Variants in APBB2 observed in about 807,000 individuals in gnomAD.
APBB2 encodes Fe65-like 1.
APBB2 carries 38 observed loss-of-function variants against 82.5 expected under a neutral mutation model. The observed-to-expected ratio is 0.46, with a 90% CI of 0.36 to 0.60. The LOEUF (loss-of-function observed/expected upper bound fraction) is 0.60, where lower values mean the gene tolerates loss of function less well. APBB2 is among the 20% of genes least tolerant of loss of function. The probability of loss-of-function intolerance (pLI) is 0.00; values close to 1 mark genes in which losing one functional copy is unlikely to be tolerated. For synonymous variants in APBB2, 341 were observed against 368.2 expected (o/e 0.93, Z 0.85); for missense variants, 772 against 972.3 (o/e 0.79, Z 2.74).
chr4:40,932,573 A>T (rs1784458811), intron 10 of APBB2, among the ~76,000 whole-genome samples: 1 of 152,194 alleles, frequency 6.6e-6, no homozygotes, highest in Non-Finnish European at 1.5e-5. Flanking sequence ...TTGTAGACAC[A>T]GATCTGCTTT....
rs75463013 is a variant in APBB2, at chr4:41,011,902, A to T, written c.835+1681T>A. Among the ~76,000 whole-genome samples, 1,321 of 152,290 alleles carry T rather than the reference A, an allele frequency of 8.7e-3. 40 individuals are homozygous for T. Among genetic ancestry groups the T allele is most frequent in the East Asian group, 0.073 (380 of 5,184 alleles). Reference sequence around the variant, plus strand: ...TTTTGAAACAGAGTCTCGCTCGATCACCCAGGCTACAGGGCAATGGCATAA... The same window carrying T: ...TTTTGAAACAGAGTCTCGCTCGATCTCCCAGGCTACAGGGCAATGGCATAA... On this transcript the variant is annotated intron_variant, in intron 6 of 17. Transcript: ENST00000508593.
intron 1 of APBB2, among the ~76,000 whole-genome samples, chr4:41,175,599 A>G (rs1483312421): frequency 6.6e-6 from 1 of 152,166 alleles, no homozygotes; most frequent in Non-Finnish European, 1.5e-5. Flanking sequence ...TCCTATTTAC[A>G]CCAGTTGTTC....
rs986570793 is a variant in APBB2 at position 40,981,982 on chromosome 4, C to T, written c.835+31601G>A. Reference sequence around the variant, plus strand: ...GGGAGGATCATTTGAGTCAGGAGTTCGAGACCAGCCTGGCCAACATGGTGA... The same window carrying T: ...GGGAGGATCATTTGAGTCAGGAGTTTGAGACCAGCCTGGCCAACATGGTGA... On this transcript the variant is annotated intron_variant, in intron 6 of 17. Coordinates refer to ENST00000508593, the MANE Select transcript of APBB2 (RefSeq NM_004307.2). Among the ~76,000 whole-genome samples, 8 of 151,554 alleles carry T rather than the reference C, an allele frequency of 5.3e-5. No individual in the cohort carries two copies. The East Asian group carries it at 1.4e-3, about 26-fold the overall frequency.
intron 6 of APBB2, among the ~76,000 whole-genome samples, chr4:40,946,254 A>AAAAAAAAAAAAAAACAAAAAAC (rs1553875174): frequency 1.7e-5 from 2 of 114,560 alleles, no homozygotes; most frequent in African/African-American, 3.3e-5. Flanking sequence ...AAAAAAAAAA[A>AAAAAAAAAAAAAAACAAAAAAC]CATTCCCAAG....
chr4:40,912,097 A>G (rs1375730398), intron 10 of APBB2, among the ~76,000 whole-genome samples: 2 of 152,248 alleles, frequency 1.3e-5, no homozygotes, highest in East Asian at 1.9e-4. Flanking sequence ...CTTTTGCAAA[A>G]TACTCTTTTT....
At chr4:40,921,533 CCATT>C (rs1307875460) in intron 10 of APBB2, among the ~76,000 whole-genome samples, 1 of 152,124 alleles carries the variant, frequency 6.6e-6, no homozygotes, top group African/African-American at 2.4e-5. Context: ...CACTGGATGC[CCATT>C]CATTCCATTG....
intron 12 of APBB2, among the ~76,000 whole-genome samples, chr4:40,854,607 C>T (rs1760512083): frequency 6.6e-6 from 1 of 151,808 alleles, no homozygotes; most frequent in Non-Finnish European, 1.5e-5. Context: ...GCCAACATGG[C>T]GAAACCCTGT....
intron 6 of APBB2, among the ~76,000 whole-genome samples, chr4:40,967,950 T>G (rs374355801): frequency 3.8e-4 from 58 of 152,208 alleles, no homozygotes; most frequent in African/African-American, 1.3e-3. Context: ...AGATGCTGGG[T>G]AGAAATAGAG....
intron 12 of APBB2, chr4:40,880,986 A>C: frequency 1.0e-6 from 1 of 985,402 alleles, no homozygotes; most frequent in Non-Finnish European, 1.2e-6. Context: ...CTTTCCTCTA[A>C]GGGAAACTGT....
At chr4:41,049,820 C>A (rs183285847) in intron 4 of APBB2, among the ~76,000 whole-genome samples, 3 of 152,192 alleles carry the variant, frequency 2.0e-5, no homozygotes, top group Non-Finnish European at 4.4e-5. Flanking sequence ...TGCCTTACCC[C>A]CAACCCGGTG....
At chr4:41,055,927 TC>T (rs1201000459) in intron 4 of APBB2, among the ~76,000 whole-genome samples, 1 of 152,218 alleles carries the variant, frequency 6.6e-6, no homozygotes, top group African/African-American at 2.4e-5. Context: ...GCGCAGTGGC[TC>T]ACCCCTGCAA....
At chr4:41,079,580 C>T (rs1324976009) in intron 3 of APBB2, among the ~76,000 whole-genome samples, 1 of 146,784 alleles carries the variant, frequency 6.8e-6, no homozygotes, top group Admixed American at 6.8e-5. Context: ...AATGGAGTCT[C>T]GTTCTGTCGC....
At chr4:41,149,955 C>A (rs2585583) in intron 1 of APBB2, among the ~76,000 whole-genome samples, 32,356 of 152,100 alleles carry the variant, frequency 0.21, 4,212 homozygotes, top group African/African-American at 0.37. Flanking sequence ...CCATGTGGAA[C>A]TGTGAGTCCA....
chr4:40,870,699 A>G (rs1350998221), intron 12 of APBB2, among the ~76,000 whole-genome samples: 1 of 150,788 alleles, frequency 6.6e-6, no homozygotes, highest in African/African-American at 2.4e-5. Context: ...TATAGGTATT[A>G]TATACATATA....
chr4:41,098,133 G>A (rs966897373), intron 3 of APBB2, among the ~76,000 whole-genome samples: 1 of 150,106 alleles, frequency 6.7e-6, no homozygotes, highest in Non-Finnish European at 1.5e-5. Context: ...AGGGTACATT[G>A]TAAACATCCT....
intron 4 of APBB2, among the ~76,000 whole-genome samples, chr4:41,063,783 ATCC>A (rs1395755362): frequency 1.3e-5 from 2 of 151,994 alleles, no homozygotes; most frequent in Admixed American, 1.3e-4. Context: ...GGCTCAAGCA[ATCC>A]TCCCACCTCA....
At chr4:40,960,350 A>G (rs1284287331) in intron 6 of APBB2, among the ~76,000 whole-genome samples, 3 of 152,070 alleles carry the variant, frequency 2.0e-5, no homozygotes, top group Admixed American at 6.6e-5. Context: ...ACACAAGAGA[A>G]TAGACCCATG....
At chr4:40,901,909 A>ATG (rs35766512) in intron 10 of APBB2, among the ~76,000 whole-genome samples, 11,982 of 145,376 alleles carry the variant, frequency 0.082, 524 homozygotes, top group African/African-American at 0.12. Context: ...ATCCAAAATT[A>ATG]TGTGTGTGTG....
intron 3 of APBB2, among the ~76,000 whole-genome samples, chr4:41,091,367 C>T (rs1350295854): frequency 2.0e-5 from 3 of 152,210 alleles, no homozygotes; most frequent in African/African-American, 7.2e-5. Context: ...ACAAAGTATG[C>T]TAGCGAAGTC....
Sources: gnomAD v4.1 joint callset for allele counts (sites outside exome capture counted in the v4.1 genomes callset) on GRCh38, gnomAD v4.1.1 for gene constraint, MANE v1.5 for transcripts, NCBI Gene and HGNC (gene_info 2026-07-23, HGNC 2026-07-21) for gene names.